The following CADM2 variants were observed in gnomAD, a reference collection of about 807,000 sequenced individuals.
CADM2 encodes the protein cell adhesion molecule 2, also known as immunoglobulin superfamily member 4D.
In CADM2, 12 loss-of-function variants were observed where a neutral mutation model predicts 49.8. That is an observed-to-expected ratio of 0.24 (90% CI 0.15 to 0.39). The LOEUF (loss-of-function observed/expected upper bound fraction) is 0.39. Ranked by LOEUF, CADM2 falls within the 10% of genes least tolerant of loss-of-function variation. CADM2 has a pLI of 1.00. For synonymous variants in CADM2, 214 were observed against 175.4 expected (o/e 1.22, Z -1.74); for missense variants, 378 against 492.3 (o/e 0.77, Z 2.20).
intron 1 of CADM2, among the ~76,000 whole-genome samples, chr3:85,591,798 T>C (rs977010867): frequency 1.3e-5 from 2 of 152,016 alleles, no homozygotes; most frequent in Admixed American, 1.3e-4. Context: ...ATAATACTTG[T>C]AAAATACACT....
At chr3:85,832,635 C>A (rs1328621616) in intron 3 of CADM2, among the ~76,000 whole-genome samples, 1 of 151,788 alleles carries the variant, frequency 6.6e-6, no homozygotes, top group African/African-American at 2.4e-5. Context: ...AGAAATGCTA[C>A]TGATTTTTAT....
chr3:85,187,650 G>C (rs1387923509), intron 1 of CADM2, among the ~76,000 whole-genome samples: 1 of 152,000 alleles, frequency 6.6e-6, no homozygotes, highest in African/African-American at 2.4e-5. Flanking sequence ...TTTCTTGCAT[G>C]AGTAATATCA....
At chr3:85,183,760 A>G (rs573635371) in intron 1 of CADM2, among the ~76,000 whole-genome samples, 6 of 152,306 alleles carry the variant, frequency 3.9e-5, no homozygotes, top group East Asian at 1.9e-4. Flanking sequence ...TGCAAAGTCT[A>G]TAATGCAAGG....
chr3:85,202,053 C>T (rs2041516830), intron 1 of CADM2, among the ~76,000 whole-genome samples: 1 of 145,598 alleles, frequency 6.9e-6, no homozygotes, highest in Admixed American at 6.9e-5. Flanking sequence ...GCTCTCCAGC[C>T]TGGTGACAGA....
chr3:85,244,218 A>G (rs2042597284), intron 1 of CADM2, among the ~76,000 whole-genome samples: 2 of 152,126 alleles, frequency 1.3e-5, no homozygotes, highest in Non-Finnish European at 2.9e-5. Context: ...TCTCTAGTTT[A>G]TCATAACAAA....
intron 1 of CADM2, among the ~76,000 whole-genome samples, chr3:85,309,464 T>C (rs186537574): frequency 1.2e-3 from 177 of 152,228 alleles, no homozygotes; most frequent in African/African-American, 4.0e-3. Flanking sequence ...AAAATGGACA[T>C]GATGTGAAAA....
chr3:85,295,689 A>G lies in CADM2; in HGVS notation c.61+336021A>G, dbSNP rs1163064745. ...ATCATTCTCAGTAAACTATCGCAAG[A>G]ACAAAAAACCAAACACTCACAGGTG... On this transcript the variant is annotated intron_variant, in intron 1 of 9. Transcript: ENST00000383699. 2.0e-5 allele frequency among the ~76,000 whole-genome samples: 3 copies of G among 152,010 alleles called. No individual in the cohort carries two copies. The South Asian group carries it at 6.2e-4, about 32-fold the overall frequency.
At chr3:85,326,726 A>G (rs2044764338) in intron 1 of CADM2, among the ~76,000 whole-genome samples, 3 of 152,162 alleles carry the variant, frequency 2.0e-5, no homozygotes, top group South Asian at 4.1e-4. Flanking sequence ...CACCCTGCAC[A>G]TGGCCTACAA....
chr3:85,736,699 C>G (rs1456913175), intron 2 of CADM2, among the ~76,000 whole-genome samples: 1 of 151,750 alleles, frequency 6.6e-6, no homozygotes, highest in African/African-American at 2.4e-5. Flanking sequence ...CAATGGGAAG[C>G]CATTAAGTGG....
At chr3:85,212,814 C>CTTTCTTTCTTTCTTTCTTTCTTTCTT (rs2041811863) in intron 1 of CADM2, among the ~76,000 whole-genome samples, 8 of 40,746 alleles carry the variant, frequency 2.0e-4, no homozygotes, top group African/African-American at 9.6e-4. Flanking sequence ...TTTTTCTTCT[C>CTTTCTTTCTTTCTTTCTTTCTTTCTT]TTTCTTTCTT....
intron 1 of CADM2, among the ~76,000 whole-genome samples, chr3:85,695,582 G>A (rs1179941160): frequency 5.3e-5 from 8 of 150,410 alleles, no homozygotes; most frequent in South Asian, 2.1e-4. Flanking sequence ...ATATATATAC[G>A]GGTACGTACA....
chr3:85,695,388 T>C (rs1680240173), intron 1 of CADM2, among the ~76,000 whole-genome samples: 1 of 152,102 alleles, frequency 6.6e-6, no homozygotes, highest in African/African-American at 2.4e-5. Flanking sequence ...ATGCCCTTGC[T>C]TACCCGTAGT....
intron 8 of CADM2, among the ~76,000 whole-genome samples, chr3:86,061,849 T>C (rs1427682527): frequency 6.6e-6 from 1 of 152,190 alleles, no homozygotes; most frequent in African/African-American, 2.4e-5. Context: ...CATTATTATG[T>C]TAACCTGTAA....
intron 7 of CADM2, among the ~76,000 whole-genome samples, chr3:85,959,196 A>G (rs1314237878): frequency 1.3e-5 from 2 of 150,838 alleles, no homozygotes; most frequent in Non-Finnish European, 3.0e-5. Context: ...CAACTGATGA[A>G]CAGCGAGATG....
chr3:85,111,573 A>C (rs555084708), intron 1 of CADM2, among the ~76,000 whole-genome samples: 6 of 152,014 alleles, frequency 3.9e-5, no homozygotes, highest in Admixed American at 3.9e-4. Flanking sequence ...AAATCAATTG[A>C]ACTCACAGAC....
In CADM2 at chr3:85,929,690, T is replaced by G. The variant is rs116630567; in HGVS notation, c.701-6077T>G. Among the ~76,000 whole-genome samples the G allele has an allele frequency of 2.0e-3, 309 of 152,176 alleles. 3 individuals carry two copies. Among genetic ancestry groups the G allele is most frequent in the African/African-American group, 7.0e-3 (292 of 41,560 alleles). ...GTCTCACACATTAATATAAATAGTTTGAAGACATCCTGGAAAGTGAAGACT... is the reference window on the plus strand; with the variant it reads ...GTCTCACACATTAATATAAATAGTTGGAAGACATCCTGGAAAGTGAAGACT... On this transcript the variant is annotated intron_variant, in intron 6 of 9. Transcript: ENST00000383699.
intron 1 of CADM2, among the ~76,000 whole-genome samples, chr3:85,674,436 C>T (rs1342031685): frequency 1.3e-5 from 2 of 151,976 alleles, no homozygotes; most frequent in African/African-American, 2.4e-5. Flanking sequence ...ATAGAAACCT[C>T]GTAAAATCTC....
chr3:85,084,618 G>T (rs1348162266), intron 1 of CADM2, among the ~76,000 whole-genome samples: 1 of 152,118 alleles, frequency 6.6e-6, no homozygotes, highest in East Asian at 1.9e-4. Flanking sequence ...ATGGTGAAAT[G>T]ATAATATTTT....
chr3:85,938,213 G>T (rs565707027), intron 7 of CADM2, among the ~76,000 whole-genome samples: 6 of 151,954 alleles, frequency 3.9e-5, no homozygotes, highest in Non-Finnish European at 5.9e-5. Context: ...CCTTTCTGTA[G>T]TTTATATACT....
Sources: allele counts gnomAD v4.1 joint callset (sites outside exome capture counted in the v4.1 genomes callset), GRCh38; gene constraint gnomAD v4.1.1; transcripts MANE v1.5; gene names NCBI Gene and HGNC (gene_info 2026-07-23, HGNC 2026-07-21).